Variants in CSTPP1 observed in about 807,000 individuals in gnomAD.
CSTPP1 encodes the protein centriolar satellite-associated tubulin polyglutamylase complex regulator 1, also known as UPF0705 protein C11orf49.
At chr11:47,142,803 G>A in the CSTPP1 span, among the ~76,000 whole-genome samples, 2 of 152,084 alleles carry the variant, frequency 1.3e-5, no homozygotes, top group Non-Finnish European at 2.9e-5. Flanking sequence ...AAAAATTCTC[G>A]ATACCAAGGT....
At chr11:46,943,362 C>T in the CSTPP1 span, among the ~76,000 whole-genome samples, 2 of 152,230 alleles carry the variant, frequency 1.3e-5, no homozygotes, top group Non-Finnish European at 2.9e-5. Flanking sequence ...TCTAACCCAG[C>T]AGTCTAATTG....
the CSTPP1 span, among the ~76,000 whole-genome samples, chr11:47,091,960 G>A: frequency 6.6e-6 from 1 of 152,170 alleles, no homozygotes; most frequent in Admixed American, 6.5e-5. Flanking sequence ...AACTCTAAGA[G>A]AATAAATTTC....
chr11:46,952,743 T>C, the CSTPP1 span, among the ~76,000 whole-genome samples: 1 of 152,370 alleles, frequency 6.6e-6, no homozygotes. Flanking sequence ...TTCCTGTCCT[T>C]TGTAAACATT....
At chr11:47,123,860 T>C in the CSTPP1 span, among the ~76,000 whole-genome samples, 2 of 151,720 alleles carry the variant, frequency 1.3e-5, no homozygotes, top group African/African-American at 4.8e-5. Context: ...AATTAGCCAG[T>C]GTGGTGGCTT....
the CSTPP1 span, among the ~76,000 whole-genome samples, chr11:47,043,439 G>A: frequency 6.6e-6 from 1 of 151,930 alleles, no homozygotes; most frequent in African/African-American, 2.4e-5. Flanking sequence ...AGGTCTTAGT[G>A]GTCCAACCTC....
the CSTPP1 span, chr11:47,158,009 G>A: frequency 2.5e-6 from 3 of 1,194,892 alleles, no homozygotes; most frequent in Admixed American, 5.2e-5. Flanking sequence ...GCTCCAGAGG[G>A]GAAGGGGCAT....
chr11:47,046,241 T>C, the CSTPP1 span, among the ~76,000 whole-genome samples: 2 of 148,364 alleles, frequency 1.3e-5, no homozygotes, highest in South Asian at 2.1e-4. Context: ...ACAGGTTACA[T>C]GGTCCTATGC....
chr11:47,137,718 G>T, the CSTPP1 span: 1 of 1,614,102 alleles, frequency 6.2e-7, no homozygotes, highest in Admixed American at 1.7e-5. Context: ...AGCTCACTCA[G>T]AAAGCAGCCA....
chr11:47,057,478 A>G, the CSTPP1 span, among the ~76,000 whole-genome samples: 3 of 152,312 alleles, frequency 2.0e-5, no homozygotes, highest in Middle Eastern at 3.4e-3. Context: ...TACTAAGGGA[A>G]TTGCCCTCTT....
chr11:46,982,370 A>G, the CSTPP1 span, among the ~76,000 whole-genome samples: 1 of 152,110 alleles, frequency 6.6e-6, no homozygotes, highest in Non-Finnish European at 1.5e-5. Context: ...GCATCTGTTA[A>G]TATCATATAT....
chr11:47,122,819 T>C, the CSTPP1 span, among the ~76,000 whole-genome samples: 1 of 152,136 alleles, frequency 6.6e-6, no homozygotes, highest in Non-Finnish European at 1.5e-5. Context: ...CCTCAAGTGA[T>C]CCACCGGCCT....
chr11:47,052,435 G>T, the CSTPP1 span: 8 of 1,613,982 alleles, frequency 5.0e-6, no homozygotes, highest in Non-Finnish European at 5.9e-6. Flanking sequence ...CGAGAATTCA[G>T]CTTCGTCCAA....
chr11:46,948,181 CAA>C, the CSTPP1 span: 1 of 456,148 alleles, frequency 2.2e-6, no homozygotes, highest in Admixed American at 2.3e-5. Flanking sequence ...AGGCAACACA[CAA>C]AGAAGTTCAG....
the CSTPP1 span, among the ~76,000 whole-genome samples, chr11:47,122,091 A>AAATATATATATATATATAT: frequency 3.1e-5 from 1 of 31,836 alleles, no homozygotes; most frequent in Non-Finnish European, 6.4e-5. Context: ...AAAAAAAAAA[A>AAATATATATATATATATAT]ATATATATAT....
the CSTPP1 span, among the ~76,000 whole-genome samples, chr11:46,940,574 C>A: frequency 2.0e-5 from 3 of 152,054 alleles, no homozygotes; most frequent in Non-Finnish European, 4.4e-5. Flanking sequence ...ATTTAATATG[C>A]ATTTTTAAAT....
chr11:47,121,490 C>G, the CSTPP1 span, among the ~76,000 whole-genome samples: 1 of 152,310 alleles, frequency 6.6e-6, no homozygotes, highest in East Asian at 1.9e-4. Context: ...CCATTATTCT[C>G]AGCTTTGGAA....
At chr11:47,001,452 A>G in the CSTPP1 span, among the ~76,000 whole-genome samples, 424 of 152,264 alleles carry the variant, frequency 2.8e-3, 3 homozygotes, top group African/African-American at 9.4e-3. Context: ...TCCATAAAAT[A>G]TGAACTTCAT....
At chr11:46,950,101 A>G in the CSTPP1 span, among the ~76,000 whole-genome samples, 3 of 152,018 alleles carry the variant, frequency 2.0e-5, no homozygotes, top group Non-Finnish European at 2.9e-5. Context: ...TACAGTTAGT[A>G]GTATTTGGGT....
chr11:47,064,087 T>G, the CSTPP1 span, among the ~76,000 whole-genome samples: 3 of 152,198 alleles, frequency 2.0e-5, no homozygotes, highest in Non-Finnish European at 4.4e-5. Context: ...TGATGTTGAG[T>G]GTCTTTTAAT....
Sources: allele counts gnomAD v4.1 joint callset (sites outside exome capture counted in the v4.1 genomes callset), GRCh38; gene constraint gnomAD v4.1.1; transcripts MANE v1.5; gene names NCBI Gene and HGNC (gene_info 2026-07-23, HGNC 2026-07-21).